CACNG3: variants seen among roughly 807,000 people sequenced by gnomAD.
CACNG3 encodes voltage-dependent calcium channel gamma-3 subunit.
Under a neutral mutation model 28.5 loss-of-function variants are expected in CACNG3, and 3 were observed. The ratio of observed to expected loss-of-function variants is 0.11; its 90% CI spans 0.05 to 0.27. The LOEUF (loss-of-function observed/expected upper bound fraction) is 0.27, where lower values mean the gene tolerates loss of function less well. CACNG3 is among the 10% of genes least tolerant of loss of function. CACNG3 has a pLI of 1.00. For missense variants in CACNG3, 236 were observed against 414.4 expected (o/e 0.57, Z 3.74); for synonymous variants, 174 against 162.2 (o/e 1.07, Z -0.55).
At chr16:24,291,397 C>A (rs769256374) in intron 1 of CACNG3, among the ~76,000 whole-genome samples, 11 of 152,100 alleles carry the variant, frequency 7.2e-5, no homozygotes, top group Non-Finnish European at 1.0e-4. Flanking sequence ...GAAGACTGTG[C>A]GGTCCAACAA....
chr16:24,348,646 A>G (rs1899901323), intron 2 of CACNG3, among the ~76,000 whole-genome samples: 1 of 152,208 alleles, frequency 6.6e-6, no homozygotes, highest in Non-Finnish European at 1.5e-5. Context: ...GCTCAAAAAG[A>G]TTCAGTGTGG....
chr16:24,315,693 T>C (rs1354619506), intron 1 of CACNG3, among the ~76,000 whole-genome samples: 2 of 151,758 alleles, frequency 1.3e-5, no homozygotes, highest in African/African-American at 4.8e-5. Context: ...TCTTACCCTG[T>C]TGCTGAGGCT....
chr16:24,314,993 TC>T (rs1899329525), intron 1 of CACNG3, among the ~76,000 whole-genome samples: 1 of 152,140 alleles, frequency 6.6e-6, no homozygotes, highest in Non-Finnish European at 1.5e-5. Context: ...CCACCTGGGT[TC>T]CTCAGGAGGC....
At chr16:24,257,087 G>A (rs1898468928) in intron 1 of CACNG3, 122 bp downstream of exon 1, 1 of 683,090 alleles carries the variant, frequency 1.5e-6, no homozygotes, top group Non-Finnish European at 2.6e-6. Context: ...CTGAGAATGT[G>A]CAGGTGCCCA....
At chr16:24,327,830 T>A (rs943952405) in intron 1 of CACNG3, among the ~76,000 whole-genome samples, 6 of 152,092 alleles carry the variant, frequency 3.9e-5, no homozygotes, top group Middle Eastern at 3.4e-3. Context: ...TAGTCCCAGC[T>A]ACATGGGAGG....
At chr16:24,301,682 T>A (rs941105014) in intron 1 of CACNG3, among the ~76,000 whole-genome samples, 3 of 152,194 alleles carry the variant, frequency 2.0e-5, no homozygotes, top group African/African-American at 7.2e-5. Context: ...TACAAGGGAA[T>A]GGAGCTGGGG....
chr16:24,261,285 G>C (rs561555256), intron 1 of CACNG3, among the ~76,000 whole-genome samples: 2 of 152,322 alleles, frequency 1.3e-5, no homozygotes, highest in South Asian at 4.1e-4. Flanking sequence ...CTCGGTCTCA[G>C]TGTGGGGCAA....
intron 1 of CACNG3, among the ~76,000 whole-genome samples, chr16:24,270,097 A>G (rs756041573): frequency 4.6e-5 from 7 of 152,202 alleles, no homozygotes; most frequent in Non-Finnish European, 1.0e-4. Context: ...ACCACTCTGT[A>G]TTGTGTACCA....
intron 1 of CACNG3, among the ~76,000 whole-genome samples, chr16:24,304,945 A>C (rs1367467524): frequency 6.6e-6 from 1 of 152,230 alleles, no homozygotes; most frequent in East Asian, 1.9e-4. Flanking sequence ...GATGTCAATC[A>C]GTGTTTGTTG....
At chr16:24,298,027 GCTTTT>G (rs1899056164) in intron 1 of CACNG3, among the ~76,000 whole-genome samples, 1 of 149,202 alleles carries the variant, frequency 6.7e-6, no homozygotes. Context: ...GTGTGTAATT[GCTTTT>G]CTTTATTACA....
At chr16:24,325,296 T>C (rs1382499849) in intron 1 of CACNG3, among the ~76,000 whole-genome samples, 2 of 152,226 alleles carry the variant, frequency 1.3e-5, no homozygotes, top group Non-Finnish European at 2.9e-5. Context: ...TGACAGCATC[T>C]GCTGAGATGT....
At chr16:24,283,250 G>A (rs1283677087) in intron 1 of CACNG3, among the ~76,000 whole-genome samples, 1 of 152,106 alleles carries the variant, frequency 6.6e-6, no homozygotes, top group East Asian at 1.9e-4. Flanking sequence ...GTAGGATATT[G>A]AGATATTAAT....
chr16:24,350,880 C>T (rs1427210821), intron 2 of CACNG3, among the ~76,000 whole-genome samples: 1 of 152,150 alleles, frequency 6.6e-6, no homozygotes, highest in Non-Finnish European at 1.5e-5. Flanking sequence ...AAGAATCCAG[C>T]TGGAAACCCA....
intron 1 of CACNG3, among the ~76,000 whole-genome samples, chr16:24,263,108 T>C (rs538764033): frequency 6.6e-6 from 1 of 152,338 alleles, no homozygotes; most frequent in South Asian, 2.1e-4. Flanking sequence ...GATATTTACT[T>C]GTAGAAAACT....
At chr16:24,322,682 C>A (rs556980847) in intron 1 of CACNG3, among the ~76,000 whole-genome samples, 2 of 152,266 alleles carry the variant, frequency 1.3e-5, no homozygotes, top group East Asian at 3.9e-4. Flanking sequence ...TCAAATTCTA[C>A]CCCCTCCCCA....
rs949982501 is a variant in CACNG3 at position 24,295,589 on chromosome 16, G to A, written c.211+38624G>A. 5.9e-5 allele frequency among the ~76,000 whole-genome samples: 9 copies of A among 152,306 alleles called. No homozygotes were observed. In the South Asian group the frequency reaches 1.9e-3, roughly 32 times the overall value. On this transcript the variant is annotated intron_variant, in intron 1 of 3. Coordinates refer to ENST00000005284, the MANE Select transcript of CACNG3 (RefSeq NM_006539.4). Reference sequence around the variant, plus strand: ...ATGCCAGGTGTGGTGGCTCATGTCTGTAATCCAAGCACTTTGGGAGACTGA... The same window carrying A: ...ATGCCAGGTGTGGTGGCTCATGTCTATAATCCAAGCACTTTGGGAGACTGA...
In CACNG3 at chr16:24,361,765, C is replaced by T. The variant is rs555623613; in HGVS notation, c.850C>T (p.Arg284Trp). 12 of 1,614,016 alleles carry T rather than the reference C, an allele frequency of 7.4e-6. No homozygotes were observed. The highest frequency in any genetic ancestry group is 2.2e-5 in the South Asian group (2 of 91,064). Residue 284 changes from arginine (R) to tryptophan (W), a missense_variant, in exon 4 of 4, where the codon CGG becomes TGG. Coordinates refer to ENST00000005284, the MANE Select transcript of CACNG3 (RefSeq NM_006539.4). The surrounding 1 kb of genome is among the most constrained non-coding windows in gnomAD (Gnocchi z 6.8). ...ITMGTLLNSDRDHAFLQFHNS... is the reference protein window; with the variant it reads ...ITMGTLLNSDWDHAFLQFHNS... ...CATGGGGACCCTCCTCAACTCCGAC[C>T]GGGACCACGCTTTTCTACAGTTCCA...
rs1410371858 is a variant in CACNG3 at position 24,334,134 on chromosome 16, A to T, written c.212-12600A>T. 5.3e-5 allele frequency among the ~76,000 whole-genome samples: 8 copies of T among 152,358 alleles called. No individual in the cohort carries two copies. In the East Asian group the frequency reaches 1.5e-3, roughly 29 times the overall value. ...ATATTTGCTCTTCCTTCCTGATATC[A>T]TAAAGCAAAAATCTTCACAAAAGAG... On this transcript the variant is annotated intron_variant, in intron 1 of 3. Transcript: ENST00000005284.
At chr16:24,350,223 G>A (rs2141381539) in intron 2 of CACNG3, among the ~76,000 whole-genome samples, 1 of 152,280 alleles carries the variant, frequency 6.6e-6, no homozygotes, top group South Asian at 2.1e-4. Context: ...GCAAAGAGTG[G>A]GGTCTCCCCA....
Sources: gnomAD v4.1 joint callset for allele counts (sites outside exome capture counted in the v4.1 genomes callset) on GRCh38, gnomAD v4.1.1 for gene constraint, Gnocchi (gnomAD v3.1) non-coding constraint, MANE v1.5 for transcripts, NCBI Gene and HGNC (gene_info 2026-07-23, HGNC 2026-07-21) for gene names.